EFCAB3: variants seen among roughly 807,000 people sequenced by gnomAD.
The protein encoded by EFCAB3 is EF-hand calcium binding domain 3.
A neutral mutation model predicts 42.2 loss-of-function variants in EFCAB3; 36 were observed. That is an observed-to-expected ratio of 0.85 (90% CI 0.65 to 1.13). The LOEUF (loss-of-function observed/expected upper bound fraction) is 1.13, where lower values mean the gene tolerates loss of function less well. Ranked by LOEUF, EFCAB3 falls within the 50% of genes most tolerant of loss-of-function variation. The pLI is 0.00. For missense variants in EFCAB3, 418 were observed against 505.1 expected (o/e 0.83, Z 1.65); for synonymous variants, 170 against 172.8 (o/e 0.98, Z 0.13).
At chr17:62,391,374 A>G (rs915286480) in intron 3 of EFCAB3, among the ~76,000 whole-genome samples, 1 of 151,784 alleles carries the variant, frequency 6.6e-6, no homozygotes, top group Non-Finnish European at 1.5e-5. Context: ...CAAGCAGAGA[A>G]GCTCCTGGCT....
At chr17:62,378,448 A>T (rs952705001), upstream of EFCAB3, among the ~76,000 whole-genome samples, 1 of 152,202 alleles carries the variant, frequency 6.6e-6, no homozygotes, top group Non-Finnish European at 1.5e-5. Flanking sequence ...CTGTAATCCT[A>T]GAGCCTTGGG....
At chr17:62,395,439 A>G (rs1418400040) in intron 6 of EFCAB3, among the ~76,000 whole-genome samples, 1 of 152,226 alleles carries the variant, frequency 6.6e-6, no homozygotes, top group Non-Finnish European at 1.5e-5. Context: ...ACCTAAGACA[A>G]CCATGAAATT....
At chr17:62,413,507 C>T (rs1285108162) in intron 8 of EFCAB3, among the ~76,000 whole-genome samples, 4 of 152,144 alleles carry the variant, frequency 2.6e-5, no homozygotes, top group Admixed American at 2.0e-4. Flanking sequence ...CAATTCCAGT[C>T]CTAGGGCACC....
chr17:62,395,136 A>G lies in EFCAB3; in HGVS notation c.436A>G (p.Arg146Gly), dbSNP rs971057925. The change falls in exon 6 of 10, where the codon AGG (arginine) becomes GGG (glycine). Residue 146 changes from arginine (R) to glycine (G), a missense_variant. Arg to Gly is a moderately radical substitution (Grantham distance 125). Coordinates refer to ENST00000305286, the MANE Select transcript of EFCAB3 (RefSeq NM_173503.4). ...AATCCTATTGTTTGAAATCCTATCA[A>G]GGCTTCTAGAGACTTCAGCCCTACC... The part of the protein sequence containing the change: ...PGILLFEILS[R>G]LLETSALPRK... The G allele has an allele frequency of 6.2e-7, 1 of 1,614,112 alleles. No homozygotes were observed. The highest frequency in any genetic ancestry group is 1.6e-4 in the Middle Eastern group (1 of 6,062).
chr17:62,405,588 C>A (rs1259246677), intron 6 of EFCAB3, among the ~76,000 whole-genome samples: 1 of 152,212 alleles, frequency 6.6e-6, no homozygotes, highest in Non-Finnish European at 1.5e-5. Context: ...CAGCAGTAAG[C>A]AGATCCCTAC....
chr17:62,379,410 A>G (rs1320953915), upstream of EFCAB3, among the ~76,000 whole-genome samples: 1 of 77,342 alleles, frequency 1.3e-5, no homozygotes, highest in Non-Finnish European at 3.1e-5. Context: ...ACATAGTGAG[A>G]CCTCACCAAA....
chr17:62,386,012 C>T (rs987903378), intron 2 of EFCAB3, among the ~76,000 whole-genome samples: 3 of 151,908 alleles, frequency 2.0e-5, no homozygotes, highest in Non-Finnish European at 2.9e-5. Flanking sequence ...CAGGCATGAG[C>T]CACCGCACCC....
chr17:62,382,491 A>G (rs1282462323), intron 1 of EFCAB3, among the ~76,000 whole-genome samples: 1 of 152,168 alleles, frequency 6.6e-6, no homozygotes, highest in Non-Finnish European at 1.5e-5. Context: ...TATACATTAC[A>G]GTAGTATTAT....
Position 62,395,171 on chromosome 17 carries a change from T to A in EFCAB3, c.471T>A (p.Ser157=), listed in dbSNP as rs1322242859. The change falls in exon 6 of 10, where the codon TCT becomes TCA. Residue 157 remains serine (S), a synonymous_variant. Coordinates refer to ENST00000305286, the MANE Select transcript of EFCAB3 (RefSeq NM_173503.4). ...AGACTTCAGCCCTACCCAGAAAGTC[T>A]ATAATAGAAATAGTAAGGTAAGTGA... ...LLETSALPRK[S]IIEIVSYFQR... 1 of 1,613,448 alleles carries A rather than the reference T, an allele frequency of 6.2e-7. No homozygotes were observed. Among genetic ancestry groups the A allele is most frequent in the Non-Finnish European group, 8.5e-7 (1 of 1,179,868 alleles).
intron 3 of EFCAB3, 114 bp downstream of exon 3, chr17:62,387,530 G>A: frequency 2.4e-6 from 2 of 830,426 alleles, no homozygotes; most frequent in Admixed American, 6.2e-5. Flanking sequence ...CATCATTTGA[G>A]AGAAAGGAAA....
rs1387944665 is a variant in EFCAB3 at position 62,416,199 on chromosome 17, T to C, written c.1187T>C (p.Leu396Ser). 1 of 1,613,818 alleles carries C rather than the reference T, an allele frequency of 6.2e-7. No individual in the cohort carries two copies. The highest frequency in any genetic ancestry group is 1.3e-5 in the African/African-American group (1 of 74,928). ...TTACTTTCTCCTAAGGACTTAAGGTTATATGATGCCTATGTGAATAGAAAT... is the reference window on the plus strand; with the variant it reads ...TTACTTTCTCCTAAGGACTTAAGGTCATATGATGCCTATGTGAATAGAAAT... ...QELLSPKDLR[L>S]YDAYVNRNSS... The change falls in exon 10 of 10, where the codon TTA becomes TCA. Residue 396 changes from leucine to serine, a missense_variant. Physicochemically the swap from Leu to Ser is moderately radical, Grantham distance 145. Coordinates refer to ENST00000305286, the MANE Select transcript of EFCAB3 (RefSeq NM_173503.4).
intron 1 of EFCAB3, chr17:62,373,737 T>C (rs956277270): frequency 3.5e-5 from 29 of 827,170 alleles, no homozygotes; most frequent in Non-Finnish European, 5.5e-5. Flanking sequence ...CAGCCTATTA[T>C]ATTGTTTTTA....
intron 3 of EFCAB3, 38 bp downstream of exon 3, chr17:62,387,454 T>C: frequency 1.3e-6 from 2 of 1,515,594 alleles, no homozygotes; most frequent in South Asian, 1.1e-5. Flanking sequence ...GCATAACAGC[T>C]CCTTAATATG....
rs1355708907 is a variant in EFCAB3, at chr17:62,416,135, T to G, written c.1123T>G (p.Phe375Val). The change falls in exon 10 of 10, where the codon TTT becomes GTT. Residue 375 changes from phenylalanine to valine, a missense_variant. By Grantham distance (50) the Phe-to-Val change is conservative (BLOSUM62 -1). Coordinates refer to ENST00000305286, the MANE Select transcript of EFCAB3 (RefSeq NM_173503.4). ...TAGAAATGAGTCCTTTTATGACACCTTTTCTACTTATACATGGTCCTGGAA... is the reference window on the plus strand; with the variant it reads ...TAGAAATGAGTCCTTTTATGACACCGTTTCTACTTATACATGGTCCTGGAA... ...DSRNESFYDT[F>V]STYTWSWNVC... 1 of 1,613,986 alleles carries G rather than the reference T, an allele frequency of 6.2e-7. No individual in the cohort carries two copies. The highest frequency in any genetic ancestry group is 1.7e-5 in the Admixed American group (1 of 60,014).
At chr17:62,386,416 A>G (rs933868366) in intron 2 of EFCAB3, among the ~76,000 whole-genome samples, 3 of 152,102 alleles carry the variant, frequency 2.0e-5, no homozygotes, top group African/African-American at 4.8e-5. Flanking sequence ...ACACCCATAC[A>G]TATGCTGGTA....
At chr17:62,381,979 G>T in intron 1 of EFCAB3, 1 of 280,980 alleles carries the variant, frequency 3.6e-6, no homozygotes, top group Non-Finnish European at 7.5e-6. Context: ...TGTCCAAAGA[G>T]TCAGACGATG....
chr17:62,410,176 G>T (rs1300952711), intron 8 of EFCAB3, among the ~76,000 whole-genome samples: 1 of 151,722 alleles, frequency 6.6e-6, no homozygotes, highest in Non-Finnish European at 1.5e-5. Context: ...TCCAGCCTGG[G>T]CAATAAGAGC....
At chr17:62,409,731 T>G (rs2070478473) in intron 8 of EFCAB3, among the ~76,000 whole-genome samples, 1 of 151,796 alleles carries the variant, frequency 6.6e-6, no homozygotes. Context: ...ATATTTATAT[T>G]TATTATACTA....
chr17:62,380,634 G>A (rs1291892213), intron 1 of EFCAB3, 21 bp downstream of exon 1: 1 of 978,148 alleles, frequency 1.0e-6, no homozygotes, highest in Admixed American at 6.2e-5. Context: ...TGATTTTGTA[G>A]GATTCTATGC....
Sources: gnomAD v4.1 joint callset for allele counts (sites outside exome capture counted in the v4.1 genomes callset) on GRCh38, gnomAD v4.1.1 for gene constraint, MANE v1.5 for transcripts, NCBI Gene and HGNC (gene_info 2026-07-23, HGNC 2026-07-21) for gene names.